LRRC2: variants seen among roughly 807,000 people sequenced by gnomAD.
LRRC2 encodes leucine-rich repeat-containing protein 2.
Under a neutral mutation model 40.2 loss-of-function variants are expected in LRRC2, and 27 were observed. The ratio of observed to expected loss-of-function variants is 0.67; its 90% CI spans 0.49 to 0.93. The LOEUF is 0.93. Among genes scored for constraint, LRRC2 ranks in the 40% least tolerant of loss-of-function variants. The pLI, the probability that LRRC2 is intolerant of heterozygous loss-of-function variation, is 0.00. For synonymous variants in LRRC2, 147 were observed against 158.9 expected (o/e 0.92, Z 0.56); for missense variants, 402 against 439.6 (o/e 0.91, Z 0.76).
intron 7 of LRRC2, among the ~76,000 whole-genome samples, chr3:46,525,614 T>G (rs575664378): frequency 2.2e-4 from 34 of 152,180 alleles, no homozygotes; most frequent in Non-Finnish European, 4.4e-4. Context: ...TTATTATTAC[T>G]GTCCTTAGCT....
At position 46,521,561 on chromosome 3, in the gene LRRC2, CTTT is replaced by C. The variant is rs747906123; in HGVS notation, c.1024_1026del (p.Lys342del). The C allele has an allele frequency of 4.9e-5, 79 of 1,612,434 alleles. No homozygotes were observed. Among genetic ancestry groups the C allele is most frequent in the Non-Finnish European group, 6.4e-5 (75 of 1,179,412 alleles). On this transcript the variant is annotated inframe_deletion, in exon 8 of 9. Transcript: ENST00000395905. ...TCTTCAATATAGGCTTTCATAACTTCTTTATCAAAATGTTGGCGATCCCGTTCA... is the reference window on the plus strand; with the variant it reads ...TCTTCAATATAGGCTTTCATAACTTCATCAAAATGTTGGCGATCCCGTTCA...
In LRRC2 at chr3:46,521,522, C is replaced by T; in HGVS notation, c.1066G>A (p.Glu356Lys). 2 of 1,595,958 alleles carry T rather than the reference C, an allele frequency of 1.3e-6. No individual in the cohort carries two copies. The highest frequency in any genetic ancestry group is 1.3e-5 in the African/African-American group (1 of 74,518). ...ATAATTTTAAATATGAGTAACCCACCTCTTTCTTTAAGGTCTTCAATATAG... is the reference window on the plus strand; with the variant it reads ...ATAATTTTAAATATGAGTAACCCACTTCTTTCTTTAAGGTCTTCAATATAG... ...KAYIEDLKER[E>K]SVPSYTTKVS... The change falls in exon 8 of 9, where the codon GAA (glutamate) becomes AAA (lysine). Residue 356 changes from glutamate (E) to lysine (K), a missense_variant and splice_region_variant. Glu to Lys is a moderately conservative substitution (Grantham distance 56). Transcript: ENST00000395905.
chr3:46,526,646 G>A (rs947704872), intron 7 of LRRC2, among the ~76,000 whole-genome samples: 2 of 152,252 alleles, frequency 1.3e-5, no homozygotes, highest in Non-Finnish European at 2.9e-5. Flanking sequence ...GCAAGGACAG[G>A]AAGACAAGAT....
At chr3:46,527,712 C>G (rs1704084732) in intron 6 of LRRC2, 131 bp from the exon 7 acceptor site, 8 of 741,148 alleles carry the variant, frequency 1.1e-5, no homozygotes, top group Non-Finnish European at 1.7e-5. Context: ...TGAGAACCAA[C>G]TTATTCTAAG....
intron 3 of LRRC2, among the ~76,000 whole-genome samples, chr3:46,544,512 A>T (rs1196934845): frequency 1.3e-5 from 2 of 152,212 alleles, no homozygotes; most frequent in Admixed American, 6.5e-5. Context: ...GGCAAGATAC[A>T]AAGAGATGGA....
intron 2 of LRRC2, among the ~76,000 whole-genome samples, chr3:46,549,371 T>C (rs959070788): frequency 3.3e-5 from 5 of 152,160 alleles, no homozygotes; most frequent in African/African-American, 1.2e-4. Context: ...CAAAAACACC[T>C]GTAAAGAAGG....
At chr3:46,560,677 G>A (rs533184462) in intron 1 of LRRC2, among the ~76,000 whole-genome samples, 27 of 152,254 alleles carry the variant, frequency 1.8e-4, no homozygotes, top group Admixed American at 7.2e-4. Flanking sequence ...ATCTGATTCC[G>A]GTTCCCTGCT....
intron 1 of LRRC2, among the ~76,000 whole-genome samples, chr3:46,565,259 C>T (rs1277589122): frequency 6.6e-6 from 1 of 152,142 alleles, no homozygotes; most frequent in Admixed American, 6.5e-5. Flanking sequence ...CACTCTCTGG[C>T]CACATGTCCC....
At chr3:46,542,860 A>C (rs960299117) in intron 3 of LRRC2, among the ~76,000 whole-genome samples, 2 of 152,228 alleles carry the variant, frequency 1.3e-5, no homozygotes, top group Non-Finnish European at 2.9e-5. Context: ...AGCCTCAGCC[A>C]GCCCTAAGGG....
At position 46,518,826 on chromosome 3, in the gene LRRC2, A is replaced by G; in HGVS notation, c.*188T>C. The G allele has an allele frequency of 2.0e-6, 1 of 512,748 alleles. No individual in the cohort carries two copies. Among genetic ancestry groups the G allele is most frequent in the Non-Finnish European group, 3.5e-6 (1 of 289,670 alleles). 31.8% of individuals were successfully genotyped at this position (512,748 alleles called of 1,614,324 possible). On this transcript the variant is annotated 3_prime_UTR_variant, in exon 9 of 9. Transcript: ENST00000395905. ...ATATCAATATACAAACCAATTTTTC[A>G]ATTCTCCAGTCCATGGAGGGAGATA...
In LRRC2 at chr3:46,530,251, C is replaced by T. The variant is rs116558992; in HGVS notation, c.628-201G>A. Among the ~76,000 whole-genome samples the T allele has an allele frequency of 4.6e-3, 701 of 152,270 alleles. 12 individuals carry two copies. The highest frequency in any genetic ancestry group is 0.016 in the African/African-American group (650 of 41,556). ...TAGAGAAGTTAAGATAAATAATACA[C>T]TGCGGCTGCCTTCCAGGATTTTATA... On this transcript the variant is annotated intron_variant, in intron 5 of 8. Transcript: ENST00000395905.
At chr3:46,544,992 G>T in intron 3 of LRRC2, 54 bp downstream of exon 3, 1 of 1,513,286 alleles carries the variant, frequency 6.6e-7, no homozygotes, top group Non-Finnish European at 9.2e-7. Context: ...GGGCTCAGGC[G>T]AGCAGCAGTC....
At chr3:46,553,586 C>T (rs1704714656) in intron 1 of LRRC2, among the ~76,000 whole-genome samples, 1 of 152,212 alleles carries the variant, frequency 6.6e-6, no homozygotes, top group Non-Finnish European at 1.5e-5. Context: ...CTCCTGGGCT[C>T]AGGGGATCCT....
At chr3:46,527,052 T>C (rs551643795) in intron 7 of LRRC2, among the ~76,000 whole-genome samples, 1 of 152,322 alleles carries the variant, frequency 6.6e-6, no homozygotes, top group South Asian at 2.1e-4. Flanking sequence ...GGGTGGTTTA[T>C]AGGTTCACTT....
chr3:46,527,180 C>T (rs773275437), intron 7 of LRRC2, among the ~76,000 whole-genome samples: 1 of 152,218 alleles, frequency 6.6e-6, no homozygotes, highest in Non-Finnish European at 1.5e-5. Context: ...GGACATATGT[C>T]CCGCAACACC....
chr3:46,531,856 C>A (rs1704166645), intron 5 of LRRC2, among the ~76,000 whole-genome samples: 2 of 152,168 alleles, frequency 1.3e-5, no homozygotes, highest in Admixed American at 1.3e-4. Context: ...CACCAGCAAT[C>A]ACCATTTTTA....
chr3:46,530,089 A>G, intron 5 of LRRC2, 39 bp from the exon 6 acceptor site: 1 of 1,526,242 alleles, frequency 6.6e-7, no homozygotes, highest in Non-Finnish European at 9.1e-7. Context: ...TACTTTTATA[A>G]GAGTGGGAAT....
intron 1 of LRRC2, among the ~76,000 whole-genome samples, chr3:46,561,865 ACCCCAGCTTGGTC>A (rs1704952165): frequency 6.6e-6 from 1 of 152,034 alleles, no homozygotes; most frequent in South Asian, 2.1e-4. Context: ...AGAAGAAAAT[ACCCCAGCTTGGTC>A]CCCAGATGCT....
At chr3:46,533,741 C>CCTTT (rs1704203815) in intron 4 of LRRC2, among the ~76,000 whole-genome samples, 1 of 111,214 alleles carries the variant, frequency 9.0e-6, no homozygotes, top group Non-Finnish European at 2.0e-5. Context: ...TTCCTTCCTT[C>CCTTT]CTTCCTTCTT....
Sources: gnomAD v4.1 joint callset for allele counts (sites outside exome capture counted in the v4.1 genomes callset) on GRCh38, gnomAD v4.1.1 for gene constraint, MANE v1.5 for transcripts, NCBI Gene and HGNC (gene_info 2026-07-23, HGNC 2026-07-21) for gene names.